Variants in LIMCH1 observed in about 807,000 individuals in gnomAD.
LIMCH1 encodes LIM and calponin homology domains 1.
A neutral mutation model predicts 176.5 loss-of-function variants in LIMCH1; 113 were observed. That is an observed-to-expected ratio of 0.64 (90% CI 0.55 to 0.75). LIMCH1 has a LOEUF of 0.75. Among genes scored for constraint, LIMCH1 ranks in the 30% least tolerant of loss-of-function variants. LIMCH1 has a pLI of 0.00. For synonymous variants in LIMCH1, 619 were observed against 645.9 expected, an observed-to-expected ratio of 0.96 and a Z score of 0.63; for missense variants, 1,674 against 1,814.9, an observed-to-expected ratio of 0.92 and a Z score of 1.41.
intron 19 of LIMCH1, chr4:41,661,836 G>A: frequency 2.6e-6 from 1 of 382,066 alleles, no homozygotes; most frequent in Non-Finnish European, 4.8e-6. Context: ...TTGACACACA[G>A]TAACAGCAAT....
chr4:41,414,483 T>C (rs1315979015), intron 1 of LIMCH1, among the ~76,000 whole-genome samples: 1 of 152,236 alleles, frequency 6.6e-6, no homozygotes, highest in Non-Finnish European at 1.5e-5. Flanking sequence ...GTCAGATGTT[T>C]AGACACGCTA....
chr4:41,440,905 C>T lies in LIMCH1; in HGVS notation c.97-53631C>T, dbSNP rs536191910. On this transcript the variant is annotated intron_variant, in intron 1 of 26. Transcript: ENST00000313860. Reference sequence around the variant, plus strand: ...AAATATAACAGAAATTAATGATGTTCTCAAAAGCTTTTAAAATGATACTGA... The same window carrying T: ...AAATATAACAGAAATTAATGATGTTTTCAAAAGCTTTTAAAATGATACTGA... 7.8e-4 allele frequency among the ~76,000 whole-genome samples: 118 copies of T among 152,220 alleles called. 2 individuals carry two copies. The South Asian group carries it at 0.024, about 31-fold the overall frequency.
chr4:41,427,249 C>G (rs1466533503), intron 1 of LIMCH1, among the ~76,000 whole-genome samples: 4 of 152,166 alleles, frequency 2.6e-5, no homozygotes, highest in Admixed American at 2.6e-4. Context: ...CCACTCTGAA[C>G]TGCATAGGGC....
intron 1 of LIMCH1, among the ~76,000 whole-genome samples, chr4:41,455,487 G>A (rs894885219): frequency 2.0e-5 from 3 of 152,210 alleles, no homozygotes; most frequent in Non-Finnish European, 4.4e-5. Flanking sequence ...AAGGTCAGCT[G>A]CAGATGCTCT....
At chr4:41,445,531 A>G (rs1055746657) in intron 1 of LIMCH1, among the ~76,000 whole-genome samples, 2 of 152,230 alleles carry the variant, frequency 1.3e-5, no homozygotes, top group Non-Finnish European at 2.9e-5. Context: ...TGGCAATGAA[A>G]ATTGCAACTG....
chr4:41,614,381 T>C (rs894289183), intron 5 of LIMCH1, among the ~76,000 whole-genome samples: 2 of 152,252 alleles, frequency 1.3e-5, no homozygotes, highest in African/African-American at 4.8e-5. Context: ...CTTACTTATC[T>C]TGTACCTTTG....
chr4:41,693,703 TTTTCTCCCAGA>T (rs1340786709), intron 31 of LIMCH1, among the ~76,000 whole-genome samples: 2 of 152,106 alleles, frequency 1.3e-5, no homozygotes, highest in Admixed American at 1.3e-4. Flanking sequence ...AAAACAACTC[TTTTCTCCCAGA>T]TTTCAATGCG....
At chr4:41,620,834 G>A in intron 7 of LIMCH1, 144 bp downstream of exon 7, 1 of 973,262 alleles carries the variant, frequency 1.0e-6, no homozygotes, top group Non-Finnish European at 1.5e-6. Flanking sequence ...TGAGCACGTA[G>A]ATGATAGTCT....
intron 9 of LIMCH1, 41 bp downstream of exon 9, chr4:41,629,775 G>A: frequency 6.7e-7 from 1 of 1,501,532 alleles, no homozygotes; most frequent in Admixed American, 2.2e-5. Flanking sequence ...TGGCAGTCAT[G>A]GTATTTCATT....
chr4:41,637,499 A>G (rs4345220), intron 13 of LIMCH1, among the ~76,000 whole-genome samples: 78,421 of 152,028 alleles, frequency 0.52, 20,504 homozygotes, highest in South Asian at 0.54. Context: ...CCACTCTCTC[A>G]ATGTGAAAGA....
intron 1 of LIMCH1, among the ~76,000 whole-genome samples, chr4:41,556,273 T>C (rs2081255488): frequency 6.6e-6 from 1 of 151,534 alleles, no homozygotes; most frequent in South Asian, 2.1e-4. Context: ...TGCACATCTG[T>C]AATCCCAGCC....
chr4:41,454,450 G>A (rs929277792), intron 1 of LIMCH1, among the ~76,000 whole-genome samples: 2 of 148,440 alleles, frequency 1.3e-5, no homozygotes, highest in Middle Eastern at 3.5e-3. Flanking sequence ...ATGATGAGGG[G>A]GAGAGAGAGA....
At chr4:41,556,725 C>T (rs768181167) in intron 1 of LIMCH1, among the ~76,000 whole-genome samples, 7 of 152,158 alleles carry the variant, frequency 4.6e-5, no homozygotes, top group Non-Finnish European at 1.0e-4. Flanking sequence ...CTGAGCATTT[C>T]CTCCTGTCTT....
intron 1 of LIMCH1, among the ~76,000 whole-genome samples, chr4:41,426,045 G>T (rs1205892646): frequency 7.8e-6 from 1 of 127,924 alleles, no homozygotes; most frequent in South Asian, 2.6e-4. Context: ...TTTTTGAGAC[G>T]GAGTCTCGCT....
intron 19 of LIMCH1, among the ~76,000 whole-genome samples, chr4:41,662,564 C>T (rs1410072423): frequency 6.6e-6 from 1 of 152,100 alleles, no homozygotes; most frequent in East Asian, 1.9e-4. Flanking sequence ...AAACCGTGAC[C>T]CTTACTAAAA....
intron 1 of LIMCH1, among the ~76,000 whole-genome samples, chr4:41,576,532 T>C (rs2084492392): frequency 6.6e-6 from 1 of 152,188 alleles, no homozygotes; most frequent in African/African-American, 2.4e-5. Flanking sequence ...TGTGGTAGCA[T>C]GTGATTAAAA....
At chr4:41,405,003 C>G (rs903512751) in intron 1 of LIMCH1, among the ~76,000 whole-genome samples, 1 of 151,988 alleles carries the variant, frequency 6.6e-6, no homozygotes, top group Non-Finnish European at 1.5e-5. Context: ...ATTTCTTTAA[C>G]CCATTTTTTC....
intron 1 of LIMCH1, among the ~76,000 whole-genome samples, chr4:41,377,485 C>T (rs1388092309): frequency 2.0e-5 from 3 of 152,162 alleles, no homozygotes; most frequent in Admixed American, 6.5e-5. Context: ...CAGTAATACT[C>T]TCATCTACCG....
At chr4:41,365,722 A>G (rs1015268030) in intron 1 of LIMCH1, among the ~76,000 whole-genome samples, 2 of 152,366 alleles carry the variant, frequency 1.3e-5, no homozygotes, top group Middle Eastern at 3.4e-3. Context: ...TCACAATGAC[A>G]TTTAAATAGT....
Sources: gnomAD v4.1 joint callset for allele counts (sites outside exome capture counted in the v4.1 genomes callset) on GRCh38, gnomAD v4.1.1 for gene constraint, MANE v1.5 for transcripts, NCBI Gene and HGNC (gene_info 2026-07-23, HGNC 2026-07-21) for gene names.